PKIB: variants seen among roughly 807,000 people sequenced by gnomAD.
PKIB encodes the protein cAMP-dependent protein kinase inhibitor beta.
PKIB carries 2 observed loss-of-function variants against 4.5 expected under a neutral mutation model. The observed-to-expected ratio is 0.44, with a 90% CI of 0.18 to 1.39. PKIB has a LOEUF of 1.39. Among genes scored for constraint, PKIB ranks in the 40% most tolerant of loss-of-function variants. The pLI is 0.27. For missense variants in PKIB, 94 were observed against 92.6 expected (o/e 1.02, Z -0.06); for synonymous variants, 38 against 36.0 (o/e 1.06, Z -0.20).
intron 2 of PKIB, among the ~76,000 whole-genome samples, chr6:122,512,057 A>G (rs1020690732): frequency 6.6e-6 from 1 of 152,174 alleles, no homozygotes; most frequent in African/African-American, 2.4e-5. Flanking sequence ...TTTTAGGGCA[A>G]GTTTATACAG....
chr6:122,506,928 C>G (rs867239484), intron 2 of PKIB, among the ~76,000 whole-genome samples: 1 of 151,740 alleles, frequency 6.6e-6, no homozygotes, highest in Admixed American at 6.6e-5. Flanking sequence ...GTCTCGATCT[C>G]CTGACCTCGT....
At chr6:122,547,564 C>T (rs1439658485) in intron 2 of PKIB, among the ~76,000 whole-genome samples, 1 of 151,192 alleles carries the variant, frequency 6.6e-6, no homozygotes, top group Non-Finnish European at 1.5e-5. Context: ...TCTCGAACTC[C>T]TGACCTCAGG....
At chr6:122,531,420 C>T (rs1480504406) in intron 2 of PKIB, 1 of 152,158 alleles carries the variant, frequency 6.6e-6, no homozygotes, top group African/African-American at 2.4e-5. Context: ...TATAAATCTA[C>T]TTCATTATAC....
intron 1 of PKIB, among the ~76,000 whole-genome samples, chr6:122,628,487 G>A (rs1775558571): frequency 6.6e-6 from 1 of 152,124 alleles, no homozygotes; most frequent in Non-Finnish European, 1.5e-5. Flanking sequence ...ATGTGATCTT[G>A]GGTAAGTTAC....
chr6:122,669,805 T>C (rs1777379818), intron 2 of PKIB, among the ~76,000 whole-genome samples: 1 of 152,158 alleles, frequency 6.6e-6, no homozygotes, highest in South Asian at 2.1e-4. Flanking sequence ...TCTCCCTCAT[T>C]CGGTGTAGCC....
intron 3 of PKIB, among the ~76,000 whole-genome samples, chr6:122,703,939 TATAGAGAGAGAGAG>T (rs113442466): frequency 0.068 from 6,993 of 103,050 alleles, 240 homozygotes; most frequent in African/African-American, 0.12. Context: ...TATATATATA[TATAGAGAGAGAGAG>T]AGAGAGAGAG....
chr6:122,508,300 C>T lies in PKIB; in HGVS notation c.-248+30361C>T, dbSNP rs9482246. Among the ~76,000 whole-genome samples, 133 of 152,222 alleles carry T rather than the reference C, an allele frequency of 8.7e-4. 1 individual carries two copies. Among genetic ancestry groups the T allele is most frequent in the African/African-American group, 3.2e-3 (132 of 41,516 alleles). ...TAAGAAAGTTTGCCAAATGTAGGAA[C>T]GTGGGTGACGTCTGTTTGTCAGATT... is the stretch of plus-strand genomic sequence containing the variant. On this transcript the variant is annotated intron_variant, in intron 2 of 6. Coordinates refer to the PKIB transcript ENST00000392491.
intron 2 of PKIB, among the ~76,000 whole-genome samples, chr6:122,553,160 T>G (rs1204103624): frequency 6.6e-6 from 1 of 152,114 alleles, no homozygotes; most frequent in Non-Finnish European, 1.5e-5. Context: ...TCTACTCTGC[T>G]CTTCTTAATC....
chr6:122,656,675 C>T (rs1450255262), intron 2 of PKIB, among the ~76,000 whole-genome samples: 1 of 152,132 alleles, frequency 6.6e-6, no homozygotes, highest in African/African-American at 2.4e-5. Context: ...ATGGGGGTGT[C>T]AGGTGTCCAG....
intron 2 of PKIB, among the ~76,000 whole-genome samples, chr6:122,558,712 C>G (rs1772921841): frequency 6.6e-6 from 1 of 152,038 alleles, no homozygotes. Context: ...CAGTCACCTC[C>G]TCTCTATTTT....
At chr6:122,538,766 G>A (rs1245895966) in intron 2 of PKIB, among the ~76,000 whole-genome samples, 2 of 151,952 alleles carry the variant, frequency 1.3e-5, no homozygotes, top group African/African-American at 4.8e-5. Flanking sequence ...AAATTACCTT[G>A]GGCAATATGG....
At chr6:122,715,649 G>GTGTATATATA (rs1554236008) in intron 3 of PKIB, among the ~76,000 whole-genome samples, 1 of 146,806 alleles carries the variant, frequency 6.8e-6, no homozygotes, top group Non-Finnish European at 1.5e-5. Context: ...GGTATTTTAT[G>GTGTATATATA]TATATATATA....
At chr6:122,672,955 C>T (rs1188916812) in intron 2 of PKIB, among the ~76,000 whole-genome samples, 7 of 151,924 alleles carry the variant, frequency 4.6e-5, no homozygotes, top group South Asian at 2.1e-4. Context: ...CAGTCTCAAC[C>T]TTTAGTATTT....
chr6:122,501,196 C>T (rs1490418451), intron 2 of PKIB, among the ~76,000 whole-genome samples: 2 of 152,180 alleles, frequency 1.3e-5, no homozygotes, highest in Non-Finnish European at 2.9e-5. Context: ...CTTAAAAGTC[C>T]AACTCCAAAG....
chr6:122,719,816 C>T (rs993900645), intron 4 of PKIB, among the ~76,000 whole-genome samples: 5 of 151,596 alleles, frequency 3.3e-5, no homozygotes, highest in African/African-American at 4.8e-5. Context: ...TTTAGCCACT[C>T]CACAATGTAT....
chr6:122,512,069 C>T (rs1395517597), intron 2 of PKIB, among the ~76,000 whole-genome samples: 1 of 152,148 alleles, frequency 6.6e-6, no homozygotes, highest in East Asian at 1.9e-4. Flanking sequence ...TTTATACAGG[C>T]ACCCCACAGT....
intron 2 of PKIB, chr6:122,585,362 T>C (rs1203979595): frequency 3.3e-5 from 5 of 152,148 alleles, no homozygotes; most frequent in Admixed American, 3.3e-4. Flanking sequence ...TAATTGAACA[T>C]CTTTCAACTT....
chr6:122,583,606 C>T (rs573707134), intron 2 of PKIB, among the ~76,000 whole-genome samples: 1 of 152,110 alleles, frequency 6.6e-6, no homozygotes, highest in Non-Finnish European at 1.5e-5. Flanking sequence ...TCCCCTCACA[C>T]TGAATACGCA....
intron 2 of PKIB, among the ~76,000 whole-genome samples, chr6:122,487,174 A>G (rs1299285059): frequency 6.6e-6 from 1 of 152,208 alleles, no homozygotes; most frequent in Non-Finnish European, 1.5e-5. Flanking sequence ...AAATAAATAA[A>G]TAGTTTATCT....
Sources: gnomAD v4.1 joint callset for allele counts (sites outside exome capture counted in the v4.1 genomes callset) on GRCh38, gnomAD v4.1.1 for gene constraint, MANE v1.5 for transcripts, NCBI Gene and HGNC (gene_info 2026-07-23, HGNC 2026-07-21) for gene names.